SHANK2: variants seen among roughly 807,000 people sequenced by gnomAD.
The protein encoded by SHANK2 is SH3 and multiple ankyrin repeat domains protein 2.
A neutral mutation model predicts 133.7 loss-of-function variants in SHANK2; 43 were observed. That is an observed-to-expected ratio of 0.32 (90% CI 0.25 to 0.41). SHANK2 has a LOEUF of 0.41. SHANK2 is among the 10% of genes least tolerant of loss of function. The pLI is 1.00. For synonymous variants in SHANK2, 1,017 were observed against 952.8 expected, an observed-to-expected ratio of 1.07 and a Z score of -1.24; for missense variants, 1,994 against 2,235.8, an observed-to-expected ratio of 0.89 and a Z score of 2.18.
chr11:70,701,464 C>A (rs373239101), intron 14 of SHANK2, among the ~76,000 whole-genome samples: 1 of 152,082 alleles, frequency 6.6e-6, no homozygotes, highest in Non-Finnish European at 1.5e-5. Flanking sequence ...TGCAGTGGTG[C>A]GATCTCAGCT....
At chr11:71,244,223 T>C (rs1040593170) in intron 1 of SHANK2, among the ~76,000 whole-genome samples, 11 of 152,200 alleles carry the variant, frequency 7.2e-5, no homozygotes, top group Non-Finnish European at 1.3e-4. Flanking sequence ...GCCTGGAAGG[T>C]GCCTCTGCAT....
chr11:70,923,269 G>A (rs1392173243), intron 10 of SHANK2, among the ~76,000 whole-genome samples: 1 of 152,178 alleles, frequency 6.6e-6, no homozygotes, highest in African/African-American at 2.4e-5. Flanking sequence ...TTGAGATGGA[G>A]TCTTTCTCTG....
At chr11:70,941,244 C>G (rs1454076501) in intron 10 of SHANK2, among the ~76,000 whole-genome samples, 3 of 152,178 alleles carry the variant, frequency 2.0e-5, no homozygotes, top group Non-Finnish European at 2.9e-5. Flanking sequence ...TGAGTTCTAT[C>G]TATTCATGAA....
rs1555100962 is a variant in SHANK2 at position 71,118,983 on chromosome 11, C to T, written c.257G>A (p.Arg86Gln). 14 of 1,551,572 alleles carry T rather than the reference C, an allele frequency of 9.0e-6. No homozygotes were observed. Among genetic ancestry groups the T allele is most frequent in the African/African-American group, 2.7e-5 (2 of 73,034 alleles). ...ACTCTGGGTTAATGTACACAGGATC[C>T]GCTGCTTTGCAACCCACACTGTGGC... ...PDATVWVAKQRILCTLTQSLK... is the reference protein window; with the variant it reads ...PDATVWVAKQQILCTLTQSLK... The change falls in exon 4 of 26, where the codon CGG (arginine) becomes CAG (glutamine). Residue 86 changes from arginine to glutamine, a missense_variant. Physicochemically the swap from Arg to Gln is conservative, Grantham distance 43 (BLOSUM62 1). Around this residue, in one of 5 missense-constraint regions of SHANK2, gnomAD observed 653 missense variants for 563.4 expected, o/e 1.16. Coordinates refer to ENST00000601538, the MANE Select transcript of SHANK2 (RefSeq NM_012309.5).
chr11:70,740,068 A>C (rs985860537), intron 14 of SHANK2, among the ~76,000 whole-genome samples: 1 of 151,520 alleles, frequency 6.6e-6, no homozygotes, highest in Non-Finnish European at 1.5e-5. Flanking sequence ...CACCTAGGAC[A>C]GACAGTGCCT....
At position 70,649,471 on chromosome 11, in the gene SHANK2, A is replaced by AAAAACAC. The variant is rs2095652969; in HGVS notation, c.2061+10356_2061+10357insGTGTTTT. Among the ~76,000 whole-genome samples, 12 of 152,296 alleles carry AAAAACAC rather than the reference A, an allele frequency of 7.9e-5. No individual in the cohort carries two copies. The South Asian group carries it at 2.5e-3, about 32-fold the overall frequency. On this transcript the variant is annotated intron_variant, in intron 17 of 25. Transcript: ENST00000601538. ...ATTCCCAGGGCTGACAAACTCCATCAATTAAAAGATCCTGTGGGGCACTTA... is the reference window on the plus strand; with the variant it reads ...ATTCCCAGGGCTGACAAACTCCATCAAAAACACATTAAAAGATCCTGTGGGGCACTTA...
At chr11:70,770,010 T>G (rs1947212799) in intron 14 of SHANK2, among the ~76,000 whole-genome samples, 1 of 152,190 alleles carries the variant, frequency 6.6e-6, no homozygotes, top group Admixed American at 6.5e-5. Context: ...AGGAAGGCCT[T>G]ACGTAACCTT....
intron 17 of SHANK2, among the ~76,000 whole-genome samples, chr11:70,599,911 GAAAGAAAGAA>G (rs1565166367): frequency 4.5e-5 from 2 of 44,822 alleles, no homozygotes; most frequent in African/African-American, 1.0e-4. Context: ...GAAAGAGAAA[GAAAGAAAGAA>G]AGAAAGAAAG....
At chr11:70,775,233 G>T (rs1182910928) in intron 14 of SHANK2, among the ~76,000 whole-genome samples, 1 of 152,122 alleles carries the variant, frequency 6.6e-6, no homozygotes, top group Non-Finnish European at 1.5e-5. Context: ...CGAGGCAGGC[G>T]GATCACAAGG....
intron 3 of SHANK2, among the ~76,000 whole-genome samples, chr11:71,132,311 C>A (rs1266944210): frequency 6.6e-6 from 1 of 152,152 alleles, no homozygotes; most frequent in Non-Finnish European, 1.5e-5. Flanking sequence ...TGATGATCTG[C>A]GGCCCTGGTA....
intron 2 of SHANK2, among the ~76,000 whole-genome samples, chr11:71,183,265 G>A (rs553828464): frequency 5.9e-5 from 9 of 152,326 alleles, no homozygotes; most frequent in African/African-American, 2.2e-4. Flanking sequence ...AGGTGCTGGA[G>A]TTTCGAGGCT....
chr11:71,138,168 G>A (rs1244654219), intron 3 of SHANK2, among the ~76,000 whole-genome samples: 2 of 61,828 alleles, frequency 3.2e-5, no homozygotes, highest in African/African-American at 8.3e-5. Flanking sequence ...ATGGGCGGGC[G>A]CACTCACACA....
At chr11:71,157,741 C>T (rs566347730) in intron 2 of SHANK2, among the ~76,000 whole-genome samples, 1 of 152,318 alleles carries the variant, frequency 6.6e-6, no homozygotes, top group Admixed American at 6.5e-5. Context: ...CTAGCATGAA[C>T]CCACTCTTAG....
chr11:70,530,711 G>A (rs2059456651), intron 17 of SHANK2, among the ~76,000 whole-genome samples: 1 of 152,212 alleles, frequency 6.6e-6, no homozygotes, highest in African/African-American at 2.4e-5. Context: ...AAGTAGAACA[G>A]TGGGTGCCCG....
intron 17 of SHANK2, among the ~76,000 whole-genome samples, chr11:70,653,958 G>A (rs1042588420): frequency 7.2e-5 from 11 of 152,192 alleles, no homozygotes; most frequent in African/African-American, 2.2e-4. Flanking sequence ...CAGGGTCTCC[G>A]AGGAAAACAC....
chr11:70,661,458 A>T (rs1241030792), intron 16 of SHANK2, 138 bp downstream of exon 16: 3 of 905,826 alleles, frequency 3.3e-6, no homozygotes, highest in Non-Finnish European at 3.4e-6. Flanking sequence ...TGCTTATTTA[A>T]TGCTTATTCC....
intron 17 of SHANK2, among the ~76,000 whole-genome samples, chr11:70,642,160 T>G (rs1387238764): frequency 6.6e-6 from 1 of 152,176 alleles, no homozygotes; most frequent in Non-Finnish European, 1.5e-5. Flanking sequence ...AGGGTCTCTT[T>G]AAAAGGAAAC....
intron 10 of SHANK2, among the ~76,000 whole-genome samples, chr11:70,914,668 T>TAAATAAAATATA (rs1950243287): frequency 9.3e-6 from 1 of 107,294 alleles, no homozygotes; most frequent in African/African-American, 3.7e-5. Context: ...ACAAAAAAAA[T>TAAATAAAATATA]AAATAAAATA....
chr11:71,211,279 C>G (rs115816554), intron 2 of SHANK2, among the ~76,000 whole-genome samples: 1 of 146,192 alleles, frequency 6.8e-6, no homozygotes, highest in African/African-American at 2.6e-5. Flanking sequence ...GCATGTAACT[C>G]AGTGCTCCCA....
Sources: gnomAD v4.1 joint callset for allele counts (sites outside exome capture counted in the v4.1 genomes callset) on GRCh38, gnomAD v4.1.1 for gene constraint, gnomAD v4.1.1 regional missense constraint, MANE v1.5 for transcripts, NCBI Gene and HGNC (gene_info 2026-07-23, HGNC 2026-07-21) for gene names.